Variants in OPCML observed in about 807,000 individuals in gnomAD.
OPCML encodes opioid binding protein/cell adhesion molecule like.
Under a neutral mutation model 37.8 loss-of-function variants are expected in OPCML, and 13 were observed. The observed-to-expected ratio is 0.34, with a 90% CI of 0.22 to 0.55. OPCML has a LOEUF of 0.55. Ranked by LOEUF, OPCML falls within the 20% of genes least tolerant of loss-of-function variation. OPCML has a pLI of 0.91. For missense variants in OPCML, 341 were observed against 435.6 expected, an observed-to-expected ratio of 0.78 and a Z score of 1.93; for synonymous variants, 176 against 168.8, an observed-to-expected ratio of 1.04 and a Z score of -0.33.
chr11:132,917,974 C>T (rs757333792), intron 2 of OPCML, among the ~76,000 whole-genome samples: 18 of 152,146 alleles, frequency 1.2e-4, no homozygotes, highest in Non-Finnish European at 2.2e-4. Flanking sequence ...TCCACTTCTA[C>T]CTCCATGCTT....
intron 2 of OPCML, among the ~76,000 whole-genome samples, chr11:132,867,437 T>C (rs1191780399): frequency 6.6e-6 from 1 of 152,184 alleles, no homozygotes; most frequent in South Asian, 2.1e-4. Flanking sequence ...GTTACTTTCA[T>C]TGAGGATGAA....
intron 1 of OPCML, among the ~76,000 whole-genome samples, chr11:133,180,970 G>C (rs1244245607): frequency 6.6e-6 from 1 of 152,116 alleles, no homozygotes; most frequent in African/African-American, 2.4e-5. Context: ...AACACCCCAG[G>C]TGTCCTTCAA....
At chr11:132,513,125 G>A (rs980049635) in intron 4 of OPCML, among the ~76,000 whole-genome samples, 1 of 152,078 alleles carries the variant, frequency 6.6e-6, no homozygotes, top group South Asian at 2.1e-4. Context: ...ATGTTAAGCA[G>A]AACAATGGTT....
chr11:132,596,950 T>C (rs1049871112), intron 3 of OPCML, among the ~76,000 whole-genome samples: 10 of 152,202 alleles, frequency 6.6e-5, no homozygotes, highest in African/African-American at 2.4e-4. Flanking sequence ...CATACCTCCT[T>C]GAAGCACTTG....
chr11:133,325,054 T>C (rs953709798), intron 1 of OPCML, among the ~76,000 whole-genome samples: 1 of 152,210 alleles, frequency 6.6e-6, no homozygotes, highest in East Asian at 1.9e-4. Context: ...GGATGAAGCC[T>C]GTCCTCCTGG....
At chr11:133,077,998 G>A (rs1948650269) in intron 1 of OPCML, among the ~76,000 whole-genome samples, 1 of 152,182 alleles carries the variant, frequency 6.6e-6, no homozygotes, top group Non-Finnish European at 1.5e-5. Flanking sequence ...ATTCTAGGGA[G>A]GAATCTGGTA....
chr11:132,942,154 C>A (rs1945600659), intron 2 of OPCML, among the ~76,000 whole-genome samples: 2 of 152,158 alleles, frequency 1.3e-5, no homozygotes, highest in Admixed American at 1.3e-4. Context: ...GTGGTGGCTG[C>A]ATTTTTATTA....
At chr11:133,062,485 C>T (rs1050986456) in intron 1 of OPCML, among the ~76,000 whole-genome samples, 6 of 152,124 alleles carry the variant, frequency 3.9e-5, no homozygotes, top group Admixed American at 6.5e-5. Flanking sequence ...TTAATAGAAC[C>T]GAGGCTCAAG....
chr11:132,431,389 C>A (rs74872104), intron 7 of OPCML, among the ~76,000 whole-genome samples: 2,872 of 152,306 alleles, frequency 0.019, 46 homozygotes, highest in Middle Eastern at 0.078. Flanking sequence ...TTGCTGCTGG[C>A]GTTGACCGCC....
rs1950314623 is a variant in OPCML at position 133,173,413 on chromosome 11, A to G, written c.62-230403T>C. Among the ~76,000 whole-genome samples the G allele has an allele frequency of 6.6e-6, 1 of 152,226 alleles. No homozygotes were observed. Among genetic ancestry groups the G allele is most frequent in the Non-Finnish European group, 1.5e-5 (1 of 68,044 alleles). On this transcript the variant is annotated intron_variant, in intron 1 of 7. Coordinates refer to ENST00000524381, the MANE Select transcript of OPCML (RefSeq NM_001012393.5). The surrounding 1 kb of genome is among the most constrained non-coding windows in gnomAD (Gnocchi z 7.8). Reference sequence around the variant, plus strand: ...ATCCCAGTATGTTGCACACTGTAAGAACTTAAAAGAATAATAAATCGAGTG... The same window carrying G: ...ATCCCAGTATGTTGCACACTGTAAGGACTTAAAAGAATAATAAATCGAGTG...
intron 1 of OPCML, among the ~76,000 whole-genome samples, chr11:133,178,358 G>A (rs1937651201): frequency 6.6e-6 from 1 of 152,136 alleles, no homozygotes; most frequent in Non-Finnish European, 1.5e-5. Flanking sequence ...TACTCTGGGG[G>A]ACATGGTTCG....
chr11:133,442,932 G>T (rs890887004), intron 1 of OPCML, among the ~76,000 whole-genome samples: 2 of 152,080 alleles, frequency 1.3e-5, no homozygotes, highest in African/African-American at 4.8e-5. Context: ...AGCAGAGAAT[G>T]GGAAAATATG....
At position 133,093,202 on chromosome 11, in the gene OPCML, A is replaced by C. The variant is rs1040264840; in HGVS notation, c.62-150192T>G. On this transcript the variant is annotated intron_variant, in intron 1 of 7. Coordinates refer to ENST00000524381, the MANE Select transcript of OPCML (RefSeq NM_001012393.5). ...GCAGTGTACCCTGTACCCAATGTGT[A>C]GTCTTTTCTCCCTTGCCAACCCCCC... Among the ~76,000 whole-genome samples, 4 of 152,002 alleles carry C rather than the reference A, an allele frequency of 2.6e-5. No individual in the cohort carries two copies. The South Asian group carries it at 8.3e-4, about 32-fold the overall frequency.
chr11:132,458,606 G>T (rs1010838323), intron 4 of OPCML, among the ~76,000 whole-genome samples: 8 of 152,216 alleles, frequency 5.3e-5, no homozygotes, highest in African/African-American at 1.9e-4. Context: ...ATCAACATTT[G>T]CCATGTTAGA....
chr11:133,477,575 G>A (rs115861684), intron 1 of OPCML, among the ~76,000 whole-genome samples: 4,979 of 152,202 alleles, frequency 0.033, 120 homozygotes, highest in South Asian at 0.12. Flanking sequence ...TTCTTTTAGA[G>A]TAGAGGTGGA....
intron 1 of OPCML, among the ~76,000 whole-genome samples, chr11:133,407,092 T>C (rs1945542701): frequency 6.6e-6 from 1 of 152,188 alleles, no homozygotes; most frequent in African/African-American, 2.4e-5. Context: ...ATTTCTCCCC[T>C]CTAGGTCTGA....
intron 1 of OPCML, among the ~76,000 whole-genome samples, chr11:133,106,340 CA>C (rs1425290386): frequency 2.6e-5 from 4 of 152,234 alleles, no homozygotes; most frequent in Non-Finnish European, 4.4e-5. Context: ...ACCCATTTAG[CA>C]AACTCTGATA....
In OPCML at chr11:132,473,362, C is replaced by G. The variant is rs577297224; in HGVS notation, c.506-36003G>C. Reference sequence around the variant, plus strand: ...ATGCTACTCCCTTATGGGGAAAGACCCAATCTGTAAGTGAGGCAGCCCTAC... The same window carrying G: ...ATGCTACTCCCTTATGGGGAAAGACGCAATCTGTAAGTGAGGCAGCCCTAC... On this transcript the variant is annotated intron_variant, in intron 4 of 7. Transcript: ENST00000524381. 2.0e-4 allele frequency among the ~76,000 whole-genome samples: 30 copies of G among 152,244 alleles called. No individual in the cohort carries two copies. The South Asian group carries it at 5.8e-3, about 29-fold the overall frequency.
At chr11:133,209,465 G>A (rs1939258930) in intron 1 of OPCML, among the ~76,000 whole-genome samples, 1 of 150,842 alleles carries the variant, frequency 6.6e-6, no homozygotes, top group East Asian at 2.0e-4. Context: ...CCCATCCAAA[G>A]AAACCCATGG....
Sources: allele counts gnomAD v4.1 joint callset (sites outside exome capture counted in the v4.1 genomes callset), GRCh38; gene constraint gnomAD v4.1.1; non-coding constraint Gnocchi (gnomAD v3.1); transcripts MANE v1.5; gene names NCBI Gene and HGNC (gene_info 2026-07-23, HGNC 2026-07-21).